PHLDB3: variants seen among roughly 807,000 people sequenced by gnomAD.
The protein encoded by PHLDB3 is pleckstrin homology like domain family B member 3, also known as pleckstrin homology-like domain family B member 3.
A neutral mutation model predicts 85.7 loss-of-function variants in PHLDB3; 86 were observed. The ratio of observed to expected loss-of-function variants is 1.00; its 90% confidence interval spans 0.84 to 1.20. The LOEUF (loss-of-function observed/expected upper bound fraction) is 1.20, where lower values mean the gene tolerates loss of function less well. PHLDB3 is among the 50% of genes most tolerant of loss of function. PHLDB3 has a pLI of 0.00. For missense variants in PHLDB3, 995 were observed against 873.0 expected, an observed-to-expected ratio of 1.14 and a Z score of -1.76; for synonymous variants, 376 against 349.8, an observed-to-expected ratio of 1.07 and a Z score of -0.83.
intron 13 of PHLDB3, among the ~76,000 whole-genome samples, chr19:43,484,200 G>A (rs1208671281): frequency 1.3e-5 from 2 of 148,750 alleles, no homozygotes; most frequent in African/African-American, 2.5e-5. Flanking sequence ...GCAGTGAGCC[G>A]AGATTGTAAT....
At position 43,503,231 on chromosome 19, in the gene PHLDB3, T is replaced by C. The variant is rs1306355077; in HGVS notation, c.213+675A>G. Among the ~76,000 whole-genome samples the C allele has an allele frequency of 3.3e-5, 5 of 151,850 alleles. No individual in the cohort carries two copies. The East Asian group carries it at 9.7e-4, about 30-fold the overall frequency. On this transcript the variant is annotated intron_variant, in intron 2 of 15. Transcript: ENST00000292140. ...GGCTTCTTGATCTCTCTGCATCTCT[T>C]ACTCGTTTGGTTCTCTCTGTTCTGT... is the stretch of plus-strand genomic sequence containing the variant.
intron 4 of PHLDB3, 41 bp downstream of exon 4, chr19:43,501,693 G>A (rs773800696): frequency 2.7e-5 from 42 of 1,569,376 alleles, no homozygotes; most frequent in Non-Finnish European, 3.3e-5. Flanking sequence ...CCATGGACCA[G>A]GAAGGACACT....
Position 43,475,268 on chromosome 19 carries a change from A to C in PHLDB3, c.*142T>G. On this transcript the variant is annotated 3_prime_UTR_variant, in exon 16 of 16. Transcript: ENST00000292140. ...AGAACGCAGCAGCTCAGGCCAGCTG[A>C]ACTGCCGCGCCTGCGGAATTCCCGG... is the stretch of plus-strand genomic sequence containing the variant. The C allele has an allele frequency of 8.2e-7, 1 of 1,216,520 alleles. No individual in the cohort carries two copies. Among genetic ancestry groups the C allele is most frequent in the Non-Finnish European group, 1.1e-6 (1 of 891,698 alleles). The allele number at this position is 1,216,520 out of a possible 1,614,324, so 75.4% of individuals were successfully genotyped here. A position where few individuals can be genotyped will look rare whatever the true frequency, so the allele number is the denominator to read the frequency against.
Position 43,504,043 on chromosome 19 carries a change from G to T in PHLDB3, c.76C>A (p.Gln26Lys). Residue 26 changes from glutamine to lysine, a missense_variant, in exon 2 of 16, where the codon CAG (glutamine) becomes AAG (lysine). Coordinates refer to ENST00000292140, the MANE Select transcript of PHLDB3 (RefSeq NM_198850.4). The stretch of plus-strand genomic sequence containing the variant: ...TCCCGGGACTCCTCGGGATGGCCCT[G>T]GGGCTGGACCTCCACGTCGCATTCC... Reference protein sequence around the residue: ...VPECDVEVQPQGHPEESREQE... With the variant: ...VPECDVEVQPKGHPEESREQE... The T allele has an allele frequency of 6.2e-7, 1 of 1,613,842 alleles. No individual in the cohort carries two copies. The highest frequency in any genetic ancestry group is 8.5e-7 in the Non-Finnish European group (1 of 1,179,790).
At chr19:43,491,623 T>TAA in intron 9 of PHLDB3, among the ~76,000 whole-genome samples, 1 of 151,318 alleles carries the variant, frequency 6.6e-6, no homozygotes, top group Non-Finnish European at 1.5e-5. Flanking sequence ...TGCCTCAGCC[T>TAA]CCCGAGTAAC....
In PHLDB3 at chr19:43,479,376, C is replaced by T; in HGVS notation, c.1702+1G>A. The T allele has an allele frequency of 6.4e-7, 1 of 1,559,192 alleles. No homozygotes were observed. The highest frequency in any genetic ancestry group is 8.7e-7 in the Non-Finnish European group (1 of 1,151,962). On this transcript the variant is annotated splice_donor_variant, in intron 14 of 15. Coordinates refer to ENST00000292140, the MANE Select transcript of PHLDB3 (RefSeq NM_198850.4). LOFTEE classifies it high-confidence loss of function. ...GCCCATGGTGGCCAGGCTGGGCTTA[C>T]CCGCATAGTAGGCCAAGCGGCGGGC... is the stretch of plus-strand genomic sequence containing the variant.
At position 43,494,774 on chromosome 19, in the gene PHLDB3, G is replaced by C. The variant is rs61732260; in HGVS notation, c.1077C>G (p.Leu359=). 9.3e-6 allele frequency: 15 copies of C among 1,613,364 alleles called. No homozygotes were observed. The highest frequency in any genetic ancestry group is 8.5e-6 in the Non-Finnish European group (10 of 1,179,778). The stretch of plus-strand genomic sequence containing the variant: ...CAGCGGAGTGGGCCACGGCATCCTG[G>C]AGCACCAGCAGCTGGCGGTCTGTCT... ...TQKTDRQLLV[L]QDAVAHSAAT... is the part of the protein sequence containing the mutation. Residue 359 remains leucine (L), a synonymous_variant, in exon 9 of 16, where the codon CTC becomes CTG. Coordinates refer to ENST00000292140, the MANE Select transcript of PHLDB3 (RefSeq NM_198850.4).
At chr19:43,503,751 A>C (rs529301741) in intron 2 of PHLDB3, among the ~76,000 whole-genome samples, 155 bp downstream of exon 2, 1 of 151,260 alleles carries the variant, frequency 6.6e-6, no homozygotes, top group East Asian at 2.0e-4. Flanking sequence ...GTCCTGGTGT[A>C]TCTCTCTCTC....
rs984498159 is a variant in PHLDB3 at position 43,485,908 on chromosome 19, C to T, written c.1485+358G>A. The T allele has an allele frequency of 6.1e-5, 57 of 932,868 alleles. No individual in the cohort carries two copies. The African/African-American group carries it at 6.4e-4, about 11-fold the overall frequency. 57.8% of individuals were successfully genotyped at this position (932,868 alleles called of 1,614,324 possible). A position where few individuals can be genotyped will look rare whatever the true frequency, so the allele number is the denominator to read the frequency against. On this transcript the variant is annotated intron_variant, in intron 13 of 15. Transcript: ENST00000292140. ...AGCATGGACTGGGCATGGTGGTTCA[C>T]GCTATAATCCCAGTACTCTGGGAGG...
chr19:43,488,379 C>T (rs1203560510), intron 9 of PHLDB3, among the ~76,000 whole-genome samples: 1 of 152,028 alleles, frequency 6.6e-6, no homozygotes, highest in African/African-American at 2.4e-5. Flanking sequence ...ATCGCTTGAA[C>T]CCCGGAGGTC....
chr19:43,489,722 T>C (rs764804370), intron 9 of PHLDB3, among the ~76,000 whole-genome samples: 2 of 151,788 alleles, frequency 1.3e-5, no homozygotes, highest in African/African-American at 2.4e-5. Flanking sequence ...AAAACACTGG[T>C]GGGGCCAGGA....
intron 1 of PHLDB3, chr19:43,504,344 G>T (rs1201989782): frequency 3.4e-6 from 2 of 588,494 alleles, no homozygotes; most frequent in Non-Finnish European, 3.0e-6. Flanking sequence ...GACGGGACCG[G>T]AATTTGAGTC....
intron 5 of PHLDB3, 110 bp from the exon 6 acceptor site, chr19:43,497,389 G>C (rs150831407): frequency 1.6e-5 from 15 of 940,812 alleles, no homozygotes; most frequent in Admixed American, 3.5e-5. Context: ...TGAGGACTTG[G>C]ATTCCTGGGT....
In PHLDB3 at chr19:43,504,028, C is replaced by T; in HGVS notation, c.91G>A (p.Glu31Lys). 1.2e-6 allele frequency: 2 copies of T among 1,613,896 alleles called. No individual in the cohort carries two copies. The highest frequency in any genetic ancestry group is 1.6e-4 in the Middle Eastern group (1 of 6,062). ...TCGGATGCCTCCTGTTCCCGGGACT[C>T]CTCGGGATGGCCCTGGGGCTGGACC... ...VEVQPQGHPEESREQEASEVL... is the reference protein window; with the variant it reads ...VEVQPQGHPEKSREQEASEVL... The change falls in exon 2 of 16, where the codon GAG becomes AAG. Residue 31 changes from glutamate to lysine, a missense_variant. Physicochemically the swap from Glu to Lys is moderately conservative, Grantham distance 56 (BLOSUM62 1). Coordinates refer to ENST00000292140, the MANE Select transcript of PHLDB3 (RefSeq NM_198850.4).
chr19:43,502,273 G>A lies in PHLDB3; in HGVS notation c.224C>T (p.Thr75Met), dbSNP rs866866124. The change falls in exon 3 of 16, where the codon ACG (threonine) becomes ATG (methionine). Residue 75 changes from threonine to methionine, a missense_variant. Physicochemically the swap from Thr to Met is moderately conservative, Grantham distance 81. Coordinates refer to ENST00000292140, the MANE Select transcript of PHLDB3 (RefSeq NM_198850.4). Reference sequence around the variant, plus strand: ...TGTGGCCGCCATAGCTATCGGAGGCGTAGCCTCGGGCTGAAGTTGAGGGGG... The same window carrying A: ...TGTGGCCGCCATAGCTATCGGAGGCATAGCCTCGGGCTGAAGTTGAGGGGG... ...TESSRDAPEA[T>M]PPIAMAATPP... 1.3e-6 allele frequency: 2 copies of A among 1,557,286 alleles called. No homozygotes were observed. The highest frequency in any genetic ancestry group is 1.4e-5 in the African/African-American group (1 of 73,840).
At chr19:43,480,501 G>A (rs1971023837) in intron 13 of PHLDB3, among the ~76,000 whole-genome samples, 1 of 152,046 alleles carries the variant, frequency 6.6e-6, no homozygotes, top group African/African-American at 2.4e-5. Flanking sequence ...CTGAGCCCAG[G>A]AGGATCACTT....
At chr19:43,481,443 AC>A (rs918915577) in intron 13 of PHLDB3, among the ~76,000 whole-genome samples, 5 of 152,002 alleles carry the variant, frequency 3.3e-5, no homozygotes, top group African/African-American at 7.3e-5. Flanking sequence ...ACATGGAGAA[AC>A]CCTGTCTCTG....
intron 5 of PHLDB3, 142 bp from the exon 6 acceptor site, chr19:43,497,421 A>G: frequency 1.3e-6 from 1 of 757,960 alleles, no homozygotes; most frequent in South Asian, 2.3e-5. Flanking sequence ...GGGGGCTAAG[A>G]ATCAGAGGGC....
chr19:43,492,238 A>C (rs1210687922), intron 9 of PHLDB3, among the ~76,000 whole-genome samples: 1 of 151,138 alleles, frequency 6.6e-6, no homozygotes, highest in Non-Finnish European at 1.5e-5. Flanking sequence ...GGTGTGAGCC[A>C]CCGCGCCCAG....
Sources: allele counts gnomAD v4.1 joint callset (sites outside exome capture counted in the v4.1 genomes callset), GRCh38; gene constraint gnomAD v4.1.1; transcripts MANE v1.5; gene names NCBI Gene and HGNC (gene_info 2026-07-23, HGNC 2026-07-21).